Variants in FGD6 observed in about 807,000 individuals in gnomAD.
FGD6 encodes FYVE, RhoGEF and PH domain containing 6.
In FGD6, 90 loss-of-function variants were observed where a neutral mutation model predicts 149.4. That is an observed-to-expected ratio of 0.60 (90% confidence interval 0.51 to 0.72). The LOEUF (loss-of-function observed/expected upper bound fraction) is 0.72, where lower values mean the gene tolerates loss of function less well. Ranked by LOEUF, FGD6 falls within the 30% of genes least tolerant of loss-of-function variation. The probability of loss-of-function intolerance (pLI) is 0.00; values close to 1 mark genes in which losing one functional copy is unlikely to be tolerated. For missense variants in FGD6, 1,437 were observed against 1,684.8 expected, an observed-to-expected ratio of 0.85 and a Z score of 2.57; for synonymous variants, 527 against 584.0, an observed-to-expected ratio of 0.90 and a Z score of 1.41.
At chr12:95,193,076 C>A (rs1318309404) in intron 2 of FGD6, among the ~76,000 whole-genome samples, 2 of 152,296 alleles carry the variant, frequency 1.3e-5, no homozygotes, top group Non-Finnish European at 2.9e-5. Flanking sequence ...TATACCTACT[C>A]TGGAAAACAG....
chr12:95,167,572 T>C (rs942260412), intron 3 of FGD6, among the ~76,000 whole-genome samples: 1 of 118,686 alleles, frequency 8.4e-6, no homozygotes, highest in African/African-American at 3.4e-5. Context: ...TTTTTACTGT[T>C]TGAGGTTTTT....
At position 95,140,735 on chromosome 12, in the gene FGD6, A is replaced by C. The variant is rs569620660; in HGVS notation, c.2837+653T>G. Among the ~76,000 whole-genome samples the C allele has an allele frequency of 3.9e-4, 59 of 152,372 alleles. 1 individual carries two copies. Among genetic ancestry groups the C allele is most frequent in the Middle Eastern group, 3.4e-3 (1 of 294 alleles). Reference sequence around the variant, plus strand: ...TGCAGCTCCAGAAGGTAAATAAAACATTTAGAAACTATTCTAATGTGAATA... The same window carrying C: ...TGCAGCTCCAGAAGGTAAATAAAACCTTTAGAAACTATTCTAATGTGAATA... On this transcript the variant is annotated intron_variant, in intron 6 of 20. Coordinates refer to ENST00000343958, the MANE Select transcript of FGD6 (RefSeq NM_018351.4).
Position 95,185,697 on chromosome 12 carries a change from C to T in FGD6, c.2442-12953G>A, listed in dbSNP as rs372814677. Among the ~76,000 whole-genome samples the T allele has an allele frequency of 3.3e-5, 5 of 152,136 alleles. No homozygotes were observed. In the South Asian group the frequency reaches 1.0e-3, roughly 31 times the overall value. ...TCAACATGGCGAAACCTCGTCTCTT[C>T]TAAAAATACAAAAATTAGCCAGGCA... On this transcript the variant is annotated intron_variant, in intron 2 of 20. Transcript: ENST00000343958.
At position 95,077,354 on chromosome 12, in the gene FGD6, A is replaced by T. The variant is rs1877527336; in HGVS notation, c.*4166T>A. 6.6e-6 allele frequency: 1 copy of T among 152,416 alleles called. No individual in the cohort carries two copies. The highest frequency in any genetic ancestry group is 2.1e-4 in the South Asian group (1 of 4,836). The allele number at this position is 152,416 out of a possible 1,614,324, so 9.4% of individuals were successfully genotyped here. A position where few individuals can be genotyped will look rare whatever the true frequency, so the allele number is the denominator to read the frequency against. ...TGTGTCGGGGCTGCAGGAAGGAGAC[A>T]GGATCTAGTCTGGAGGAATAGGGGA... On this transcript the variant is annotated 3_prime_UTR_variant, in exon 21 of 21. Transcript: ENST00000343958.
chr12:95,097,485 A>T (rs1175869484), intron 14 of FGD6, among the ~76,000 whole-genome samples: 4 of 151,924 alleles, frequency 2.6e-5, no homozygotes, highest in African/African-American at 9.7e-5. Flanking sequence ...AAAATACAAA[A>T]ATTAGCCAGG....
chr12:95,109,982 G>A (rs545835485), intron 9 of FGD6, among the ~76,000 whole-genome samples: 1 of 122,626 alleles, frequency 8.2e-6, no homozygotes, highest in South Asian at 2.9e-4. Context: ...AGCCGTGGAG[G>A]CTTCTGTATT....
intron 20 of FGD6, among the ~76,000 whole-genome samples, chr12:95,082,984 TAAAAAAAA>T (rs1173446654): frequency 1.7e-3 from 52 of 31,104 alleles, no homozygotes; most frequent in East Asian, 2.0e-3. Context: ...CTGTCTCCAT[TAAAAAAAA>T]AAAAAAAAAA....
chr12:95,165,664 A>T (rs1256864267), intron 3 of FGD6, among the ~76,000 whole-genome samples: 1 of 146,362 alleles, frequency 6.8e-6, no homozygotes, highest in African/African-American at 2.5e-5. Flanking sequence ...AAGTGAGATG[A>T]GGCCTCCCTG....
intron 2 of FGD6, among the ~76,000 whole-genome samples, chr12:95,199,717 G>A (rs981167495): frequency 1.0e-4 from 15 of 147,426 alleles, no homozygotes; most frequent in Non-Finnish European, 2.1e-4. Context: ...CAATTCTCCT[G>A]CCTCAGCCTC....
At chr12:95,134,229 C>G (rs1039338934) in intron 8 of FGD6, among the ~76,000 whole-genome samples, 4 of 152,118 alleles carry the variant, frequency 2.6e-5, no homozygotes, top group Non-Finnish European at 4.4e-5. Flanking sequence ...TCTCCAGTAG[C>G]TGGGACTACA....
rs893633099 is a variant in FGD6, at chr12:95,086,705, ATT to A, written c.3979-799_3979-798del. ...CAGGCGCCTGCCACCACGTCCGGCT[ATT>A]TTTTTTTTTTGTATATTTTTAGTAG... On this transcript the variant is annotated intron_variant, in intron 18 of 20. Transcript: ENST00000343958. Among the ~76,000 whole-genome samples the A allele has an allele frequency of 8.3e-4, 114 of 136,710 alleles. 1 individual carries two copies. Among genetic ancestry groups the A allele is most frequent in the African/African-American group, 2.7e-3 (99 of 37,098 alleles). 89.7% of individuals were successfully genotyped at this position (136,710 alleles called of 152,430 possible). A position where few individuals can be genotyped will look rare whatever the true frequency, so the allele number is the denominator to read the frequency against.
chr12:95,135,321 T>C (rs1879636517), intron 7 of FGD6, among the ~76,000 whole-genome samples: 1 of 152,168 alleles, frequency 6.6e-6, no homozygotes, highest in African/African-American at 2.4e-5. Flanking sequence ...CTGTAGAAAG[T>C]AAAGATAACC....
rs145722808 is a variant in FGD6 at position 95,182,810 on chromosome 12, C to T, written c.2442-10066G>A. ...CAACTTGGCTGGGCACAGTGGCTCA[C>T]GCCTGTAATCCCAACTACTCGAGAG... On this transcript the variant is annotated intron_variant, in intron 2 of 20. Coordinates refer to ENST00000343958, the MANE Select transcript of FGD6 (RefSeq NM_018351.4). Among the ~76,000 whole-genome samples the T allele has an allele frequency of 2.3e-3, 347 of 152,316 alleles. 1 individual carries two copies. The highest frequency in any genetic ancestry group is 7.5e-3 in the African/African-American group (312 of 41,580).
At chr12:95,083,871 G>A (rs1286121244) in intron 20 of FGD6, among the ~76,000 whole-genome samples, 1 of 152,146 alleles carries the variant, frequency 6.6e-6, no homozygotes, top group Non-Finnish European at 1.5e-5. Context: ...GAACTATTTT[G>A]TTCAAAAGAG....
At chr12:95,202,945 T>G (rs542900661) in intron 2 of FGD6, among the ~76,000 whole-genome samples, 1 of 152,202 alleles carries the variant, frequency 6.6e-6, no homozygotes, top group Non-Finnish European at 1.5e-5. Context: ...CCCCACCTTC[T>G]AACTGTGCAT....
chr12:95,197,737 G>A (rs1881768029), intron 2 of FGD6, among the ~76,000 whole-genome samples: 1 of 152,060 alleles, frequency 6.6e-6, no homozygotes, highest in South Asian at 2.1e-4. Flanking sequence ...GGGATAAACT[G>A]GTTAAAAAAA....
chr12:95,150,207 T>C (rs923162013), intron 5 of FGD6, among the ~76,000 whole-genome samples: 4 of 151,960 alleles, frequency 2.6e-5, no homozygotes, highest in Admixed American at 1.3e-4. Context: ...TTTGTATTTT[T>C]AGTAGAGACG....
intron 14 of FGD6, among the ~76,000 whole-genome samples, chr12:95,097,436 G>A (rs1303820290): frequency 6.6e-6 from 1 of 151,944 alleles, no homozygotes; most frequent in Non-Finnish European, 1.5e-5. Context: ...AGGAGTTCGA[G>A]ACCAGCCTGG....
rs1877672191 is a variant in FGD6 at position 95,081,551 on chromosome 12, A to G, written c.4262T>C (p.Ile1421Thr). The G allele has an allele frequency of 1.2e-6, 2 of 1,605,420 alleles. No homozygotes were observed. The highest frequency in any genetic ancestry group is 1.3e-5 in the African/African-American group (1 of 74,790). The stretch of plus-strand genomic sequence containing the variant: ...TATTGTGCCTTCCTGAAATGCTTCT[A>G]TCCACCTATTGATAAGAGAAATCGG... ...AEDAHSAQKW[I>T]EAFQEGTIL Residue 1421 changes from isoleucine (I) to threonine (T), a missense_variant, in exon 21 of 21, where the codon ATA becomes ACA. Physicochemically the swap from Ile to Thr is moderately conservative, Grantham distance 89. Coordinates refer to ENST00000343958, the MANE Select transcript of FGD6 (RefSeq NM_018351.4).
Sources: allele counts gnomAD v4.1 joint callset (sites outside exome capture counted in the v4.1 genomes callset), GRCh38; gene constraint gnomAD v4.1.1; transcripts MANE v1.5; gene names NCBI Gene and HGNC (gene_info 2026-07-23, HGNC 2026-07-21).